The following SLC28A3 variants were observed in gnomAD, a reference collection of about 807,000 sequenced individuals.
SLC28A3 encodes solute carrier family 28 member 3.
SLC28A3 carries 68 observed loss-of-function variants against 84.2 expected under a neutral mutation model. The observed-to-expected ratio is 0.81, with a 90% CI of 0.66 to 0.99. The LOEUF (loss-of-function observed/expected upper bound fraction) is 0.99, where lower values mean the gene tolerates loss of function less well. Ranked by LOEUF, SLC28A3 falls within the 50% of genes least tolerant of loss-of-function variation. SLC28A3 has a pLI of 0.00. For missense variants in SLC28A3, 712 were observed against 841.5 expected, an observed-to-expected ratio of 0.85 and a Z score of 1.90; for synonymous variants, 267 against 303.6, an observed-to-expected ratio of 0.88 and a Z score of 1.25.
chr9:84,300,615 G>C (rs1433945325), intron 5 of SLC28A3, among the ~76,000 whole-genome samples: 1 of 152,156 alleles, frequency 6.6e-6, no homozygotes, highest in African/African-American at 2.4e-5. Context: ...GAATTTTCCT[G>C]GTAGATCCCA....
the SLC28A3 span, among the ~76,000 whole-genome samples, chr9:84,354,883 A>G: frequency 6.6e-6 from 1 of 152,004 alleles, no homozygotes; most frequent in Non-Finnish European, 1.5e-5. Flanking sequence ...GAAAGAAAGA[A>G]AAAAGGAAAC....
upstream of SLC28A3, among the ~76,000 whole-genome samples, chr9:84,341,857 G>T (rs1198137732): frequency 6.6e-6 from 1 of 152,080 alleles, no homozygotes; most frequent in East Asian, 1.9e-4. Flanking sequence ...GGCCTGGTGC[G>T]GTGGCTCACG....
chr9:84,279,190 A>AAT, intron 17 of SLC28A3, 75 bp downstream of exon 17: 1 of 1,312,012 alleles, frequency 7.6e-7, no homozygotes, highest in Non-Finnish European at 1.0e-6. Context: ...AAAAAAAAAA[A>AAT]GTAAGTGGAT....
chr9:84,350,500 T>C, the SLC28A3 span, among the ~76,000 whole-genome samples: 1 of 151,602 alleles, frequency 6.6e-6, no homozygotes, highest in African/African-American at 2.4e-5. Flanking sequence ...AAATAATAAA[T>C]AAATAAATAA....
chr9:84,283,110 C>T (rs1034577756), intron 14 of SLC28A3, among the ~76,000 whole-genome samples: 7 of 152,264 alleles, frequency 4.6e-5, no homozygotes, highest in Non-Finnish European at 7.3e-5. Context: ...GAGCTTCAAA[C>T]TCCTCTTTCC....
At chr9:84,301,369 A>AAAAAAAAAAAAAAAAAG (rs753889714) in intron 5 of SLC28A3, among the ~76,000 whole-genome samples, 3 of 132,436 alleles carry the variant, frequency 2.3e-5, no homozygotes, top group African/African-American at 3.1e-5. Flanking sequence ...AAAAAAAAAA[A>AAAAAAAAAAAAAAAAAG]AAAAAGAAAA....
the SLC28A3 span, among the ~76,000 whole-genome samples, chr9:84,349,291 G>T: frequency 1.3e-5 from 2 of 152,186 alleles, no homozygotes; most frequent in African/African-American, 4.8e-5. Context: ...AGGTCCCTGG[G>T]GATATGATGG....
chr9:84,311,485 A>G (rs531050011), intron 2 of SLC28A3, among the ~76,000 whole-genome samples: 1 of 151,672 alleles, frequency 6.6e-6, no homozygotes, highest in Admixed American at 6.6e-5. Flanking sequence ...TGTACATTCT[A>G]TGGGTTTGGA....
chr9:84,368,239 T>A, the SLC28A3 span, among the ~76,000 whole-genome samples: 1 of 152,284 alleles, frequency 6.6e-6, no homozygotes, highest in Admixed American at 6.5e-5. Context: ...ACAAAGCACA[T>A]CCTGCACAGC....
chr9:84,278,353 A>G lies in SLC28A3; in HGVS notation c.1950-9T>C, dbSNP rs1381973509. On this transcript the variant is annotated splice_polypyrimidine_tract_variant and intron_variant, in intron 17 of 17. Transcript: ENST00000376238. ...GACCCTTGGCAACAGTGCTGGTGGA[A>G]AGTGGAAAGAAACAGTTACATGAGC... The G allele has an allele frequency of 1.9e-6, 3 of 1,613,734 alleles. No individual in the cohort carries two copies. The South Asian group carries it at 3.3e-5, about 18-fold the overall frequency.
intron 2 of SLC28A3, chr9:84,310,472 A>C: frequency 1.0e-6 from 1 of 985,460 alleles, no homozygotes; most frequent in Non-Finnish European, 1.2e-6. Flanking sequence ...CCAATGGTAC[A>C]GAAGCTGGTG....
intron 14 of SLC28A3, among the ~76,000 whole-genome samples, chr9:84,284,970 C>T (rs908561926): frequency 7.9e-5 from 12 of 152,180 alleles, no homozygotes; most frequent in Non-Finnish European, 1.8e-4. Flanking sequence ...ACTATGAGGC[C>T]AGGGGCCCCA....
chr9:84,297,705 G>T (rs1436870170), intron 7 of SLC28A3, among the ~76,000 whole-genome samples: 1 of 152,170 alleles, frequency 6.6e-6, no homozygotes, highest in Non-Finnish European at 1.5e-5. Context: ...GATGACATAG[G>T]TACAGAACAG....
At chr9:84,287,526 T>C (rs1825040052) in intron 12 of SLC28A3, among the ~76,000 whole-genome samples, 2 of 152,180 alleles carry the variant, frequency 1.3e-5, no homozygotes, top group Non-Finnish European at 2.9e-5. Flanking sequence ...GAAATATCTT[T>C]ACAACAAACA....
chr9:84,352,033 T>G, the SLC28A3 span, among the ~76,000 whole-genome samples: 6 of 152,282 alleles, frequency 3.9e-5, no homozygotes, highest in African/African-American at 1.4e-4. Context: ...AACAAAAAGT[T>G]ACAAAAAGAG....
chr9:84,362,900 C>A, the SLC28A3 span, among the ~76,000 whole-genome samples: 5 of 151,926 alleles, frequency 3.3e-5, no homozygotes, highest in East Asian at 9.6e-4. Flanking sequence ...TGTATTAATA[C>A]ATTAAATAAC....
At chr9:84,307,944 A>C (rs1296386980) in intron 3 of SLC28A3, among the ~76,000 whole-genome samples, 1 of 152,212 alleles carries the variant, frequency 6.6e-6, no homozygotes, top group Admixed American at 6.5e-5. Context: ...ACCACCCAAG[A>C]GAATTTCTCA....
chr9:84,287,260 C>T (rs933673065), intron 12 of SLC28A3, among the ~76,000 whole-genome samples: 2 of 152,164 alleles, frequency 1.3e-5, no homozygotes, highest in South Asian at 4.1e-4. Context: ...CTTGCTTTTT[C>T]GCTCATGGTT....
chr9:84,317,480 C>T (rs1826213122), intron 1 of SLC28A3, among the ~76,000 whole-genome samples: 2 of 152,102 alleles, frequency 1.3e-5, no homozygotes, highest in South Asian at 4.2e-4. Context: ...GGACTCCTGC[C>T]TCTGTGGACA....
Sources: allele counts gnomAD v4.1 joint callset (sites outside exome capture counted in the v4.1 genomes callset), GRCh38; gene constraint gnomAD v4.1.1; transcripts MANE v1.5; gene names NCBI Gene and HGNC (gene_info 2026-07-23, HGNC 2026-07-21).